The following UVRAG variants were observed in gnomAD, a reference collection of about 807,000 sequenced individuals.
UVRAG encodes UV radiation resistance associated.
Under a neutral mutation model 78.0 loss-of-function variants are expected in UVRAG, and 19 were observed. That is an observed-to-expected ratio of 0.24 (90% CI 0.17 to 0.36). UVRAG has a LOEUF of 0.36. UVRAG is among the 10% of genes least tolerant of loss of function. UVRAG has a pLI of 1.00. For synonymous variants in UVRAG, 323 were observed against 324.6 expected, an observed-to-expected ratio of 1.00 and a Z score of 0.05; for missense variants, 740 against 853.8, an observed-to-expected ratio of 0.87 and a Z score of 1.66.
intron 12 of UVRAG, 57 bp downstream of exon 12, chr11:76,017,037 G>A: frequency 1.8e-5 from 23 of 1,295,196 alleles, no homozygotes; most frequent in Middle Eastern, 4.2e-4. Context: ...TAAAACATGG[G>A]GTATAACAAA....
At chr11:76,113,212 TA>T (rs764849487) in intron 13 of UVRAG, among the ~76,000 whole-genome samples, 7 of 152,214 alleles carry the variant, frequency 4.6e-5, no homozygotes, top group Non-Finnish European at 8.8e-5. Flanking sequence ...TGATTTAATT[TA>T]AAATATGATA....
intron 1 of UVRAG, among the ~76,000 whole-genome samples, chr11:75,824,471 G>A (rs916563519): frequency 1.3e-5 from 2 of 148,876 alleles, no homozygotes; most frequent in Admixed American, 6.7e-5. Context: ...ACAATTCTTT[G>A]TGGTAGAAAA....
chr11:75,957,333 T>C (rs932900718), intron 6 of UVRAG, among the ~76,000 whole-genome samples: 2 of 152,142 alleles, frequency 1.3e-5, no homozygotes, highest in Non-Finnish European at 2.9e-5. Context: ...TGCACTGATT[T>C]GCCTTCATTC....
chr11:75,862,620 G>T (rs910639303), intron 3 of UVRAG, among the ~76,000 whole-genome samples: 1 of 152,104 alleles, frequency 6.6e-6, no homozygotes, highest in East Asian at 1.9e-4. Context: ...TCAGCTGTTC[G>T]CTTGACTGAA....
At position 75,885,791 on chromosome 11, in the gene UVRAG, C is replaced by T. The variant is rs148915936; in HGVS notation, c.433-3038C>T. ...GTGCACAGTAGTGTGCAATATGATA[C>T]AGCCAGTTTTGTTAAGCATATTTAT... On this transcript the variant is annotated intron_variant, in intron 4 of 14. Coordinates refer to ENST00000356136, the MANE Select transcript of UVRAG (RefSeq NM_003369.4). Among the ~76,000 whole-genome samples, 13 of 152,254 alleles carry T rather than the reference C, an allele frequency of 8.5e-5. No individual in the cohort carries two copies. In the East Asian group the frequency reaches 2.1e-3, roughly 25 times the overall value.
chr11:76,136,543 C>A (rs1048028648), intron 14 of UVRAG, among the ~76,000 whole-genome samples: 1 of 146,394 alleles, frequency 6.8e-6, no homozygotes, highest in Non-Finnish European at 1.5e-5. Context: ...GGGTCTTGCT[C>A]TGTCGTCCAG....
At chr11:75,875,616 C>G (rs2134848002) in intron 3 of UVRAG, among the ~76,000 whole-genome samples, 1 of 149,154 alleles carries the variant, frequency 6.7e-6, no homozygotes, top group African/African-American at 2.5e-5. Context: ...TGTTTTTAAA[C>G]CTTTTTTTTT....
intron 3 of UVRAG, among the ~76,000 whole-genome samples, chr11:75,862,289 T>C (rs979345791): frequency 1.3e-5 from 2 of 152,230 alleles, no homozygotes; most frequent in Non-Finnish European, 2.9e-5. Context: ...CCTCGGGCTT[T>C]TGTATAGGAT....
At chr11:75,993,311 G>A (rs544362590) in intron 8 of UVRAG, among the ~76,000 whole-genome samples, 4 of 152,206 alleles carry the variant, frequency 2.6e-5, no homozygotes, top group African/African-American at 9.6e-5. Flanking sequence ...ACTCCAAAGG[G>A]CCTCATTACT....
At chr11:75,920,068 C>T (rs1355241813) in intron 6 of UVRAG, among the ~76,000 whole-genome samples, 1 of 120,796 alleles carries the variant, frequency 8.3e-6, no homozygotes, top group African/African-American at 3.3e-5. Context: ...CTCTGTTGCC[C>T]AGCCTGGAGT....
chr11:75,962,142 C>CT (rs904720756), intron 7 of UVRAG, among the ~76,000 whole-genome samples: 45 of 148,410 alleles, frequency 3.0e-4, no homozygotes, highest in East Asian at 1.2e-3. Context: ...ATAAATTGAG[C>CT]TTTTTTTTTT....
chr11:76,052,565 G>A (rs911733052), intron 12 of UVRAG, among the ~76,000 whole-genome samples: 8 of 152,094 alleles, frequency 5.3e-5, no homozygotes, highest in Non-Finnish European at 1.2e-4. Flanking sequence ...TATTATCAGC[G>A]CTACCTACCA....
At chr11:75,885,168 A>G (rs530800024) in intron 4 of UVRAG, among the ~76,000 whole-genome samples, 1 of 152,180 alleles carries the variant, frequency 6.6e-6, no homozygotes, top group African/African-American at 2.4e-5. Flanking sequence ...GTAGAAATAT[A>G]TATCTCTGTA....
intron 1 of UVRAG, among the ~76,000 whole-genome samples, chr11:75,828,729 G>GTA (rs1228063846): frequency 2.6e-4 from 30 of 114,582 alleles, no homozygotes; most frequent in Non-Finnish European, 4.4e-4. Flanking sequence ...ATATGTGTGT[G>GTA]TGTATATATA....
intron 2 of UVRAG, among the ~76,000 whole-genome samples, chr11:75,854,753 A>G (rs1381840801): frequency 6.6e-6 from 1 of 152,192 alleles, no homozygotes; most frequent in Non-Finnish European, 1.5e-5. Context: ...GGACTGGGAA[A>G]TGCAGTCTTA....
intron 3 of UVRAG, among the ~76,000 whole-genome samples, chr11:75,863,225 C>T (rs566718164): frequency 6.6e-6 from 1 of 152,170 alleles, no homozygotes; most frequent in Admixed American, 6.5e-5. Flanking sequence ...TCTGGTTCTA[C>T]GTATATTATA....
chr11:75,840,773 T>G (rs1345325823), intron 1 of UVRAG, among the ~76,000 whole-genome samples: 1 of 152,244 alleles, frequency 6.6e-6, no homozygotes, highest in African/African-American at 2.4e-5. Flanking sequence ...CACCATTTGC[T>G]TATAGCCAGT....
At chr11:75,901,157 A>G (rs1415069469) in intron 5 of UVRAG, among the ~76,000 whole-genome samples, 2 of 152,232 alleles carry the variant, frequency 1.3e-5, no homozygotes, top group African/African-American at 2.4e-5. Flanking sequence ...CTAGGAACAC[A>G]GGCTGTCTAC....
intron 7 of UVRAG, among the ~76,000 whole-genome samples, chr11:75,973,213 T>C (rs1033377329): frequency 2.0e-5 from 3 of 152,212 alleles, no homozygotes; most frequent in African/African-American, 7.2e-5. Context: ...GAAGTTCCCC[T>C]CTTTTCCTAG....
Sources: gnomAD v4.1 joint callset for allele counts (sites outside exome capture counted in the v4.1 genomes callset) on GRCh38, gnomAD v4.1.1 for gene constraint, MANE v1.5 for transcripts, NCBI Gene and HGNC (gene_info 2026-07-23, HGNC 2026-07-21) for gene names.